The following VIPR1 variants were observed in gnomAD, a reference collection of about 807,000 sequenced individuals.
VIPR1 encodes the protein vasoactive intestinal peptide receptor 1.
In VIPR1, 59 loss-of-function variants were observed where a neutral mutation model predicts 58.8. The ratio of observed to expected loss-of-function variants is 1.00; its 90% CI spans 0.81 to 1.25. VIPR1 has a LOEUF of 1.25. VIPR1 is among the 50% of genes most tolerant of loss of function. The pLI is 0.00. For synonymous variants in VIPR1, 251 were observed against 242.1 expected, an observed-to-expected ratio of 1.04 and a Z score of -0.34; for missense variants, 626 against 602.7, an observed-to-expected ratio of 1.04 and a Z score of -0.40.
At chr3:42,509,282 A>G (rs1700258472) in intron 1 of VIPR1, 1 of 152,214 alleles carries the variant, frequency 6.6e-6, no homozygotes, top group African/African-American at 2.4e-5. Context: ...CTCCTGCCCT[A>G]GTTCTCTGGC....
chr3:42,499,763 C>G (rs1008336866), upstream of VIPR1, among the ~76,000 whole-genome samples: 3 of 152,152 alleles, frequency 2.0e-5, no homozygotes, highest in African/African-American at 7.2e-5. Flanking sequence ...GTCGGCCCCC[C>G]CTCTGCTTCT....
chr3:42,503,092 C>T (rs982541548), intron 1 of VIPR1, among the ~76,000 whole-genome samples: 1 of 152,066 alleles, frequency 6.6e-6, no homozygotes, highest in Non-Finnish European at 1.5e-5. Context: ...ACTTGCCTTC[C>T]TTGTCGTGGT....
At chr3:42,527,867 C>G in intron 5 of VIPR1, 124 bp from the exon 6 acceptor site, 1 of 1,356,540 alleles carries the variant, frequency 7.4e-7, no homozygotes. Context: ...CCCTTTGAGG[C>G]GGGGCCTGCC....
rs376441949 is a variant in VIPR1, at chr3:42,531,820, A to C, written c.869A>C (p.Asn290Thr). The C allele has an allele frequency of 1.2e-6, 2 of 1,613,024 alleles. No homozygotes were observed. The highest frequency in any genetic ancestry group is 2.7e-5 in the African/African-American group (2 of 74,530). ...CTGCTCAGGTGCTGGGACACCATCAACTCCTCACTGTGGTGGATCATAAAG... is the reference window on the plus strand; with the variant it reads ...CTGCTCAGGTGCTGGGACACCATCACCTCCTCACTGTGGTGGATCATAAAG... ...FEDYGCWDTI[N>T]SSLWWIIKGP... Residue 290 changes from asparagine to threonine, a missense_variant, in exon 9 of 13, where the codon AAC (asparagine) becomes ACC (threonine). Transcript: ENST00000325123.
chr3:42,536,406 G>C lies in VIPR1; in HGVS notation c.*125G>C. The C allele has an allele frequency of 9.4e-7, 1 of 1,066,488 alleles. No homozygotes were observed. Among genetic ancestry groups the C allele is most frequent in the Non-Finnish European group, 1.3e-6 (1 of 775,124 alleles). 66.1% of individuals were successfully genotyped at this position (1,066,488 alleles called of 1,614,324 possible). A position where few individuals can be genotyped will look rare whatever the true frequency, so the allele number is the denominator to read the frequency against. On this transcript the variant is annotated 3_prime_UTR_variant, in exon 13 of 13. Transcript: ENST00000325123. ...GGCCCTGGGCTCGGAGGCTGCCCCC[G>C]GCCCCCTGGTCTCTGGTCCGGACAC...
chr3:42,528,002 G>A lies in VIPR1; in HGVS notation c.515G>A (p.Cys172Tyr), dbSNP rs749896105. 1.1e-5 allele frequency: 17 copies of A among 1,613,820 alleles called. No homozygotes were observed. The South Asian group carries it at 1.9e-4, about 18-fold the overall frequency. Residue 172 changes from cysteine (C) to tyrosine (Y), a missense_variant, in exon 6 of 13, where the codon TGC becomes TAC. Coordinates refer to ENST00000325123, the MANE Select transcript of VIPR1 (RefSeq NM_004624.4). ...CCCACCCCACACAGGAAGCTCCACT[G>A]CACGCGGAACTACATCCACATGCAC... is the stretch of plus-strand genomic sequence containing the variant. ...AILSLFRKLH[C>Y]TRNYIHMHLF...
At chr3:42,531,340 A>G in intron 7 of VIPR1, 131 bp from the exon 8 acceptor site, 1 of 941,020 alleles carries the variant, frequency 1.1e-6, no homozygotes, top group Non-Finnish European at 1.6e-6. Flanking sequence ...GCAACCAAAG[A>G]CAGCAGACTG....
chr3:42,536,055 A>G, intron 12 of VIPR1, 35 bp from the exon 13 acceptor site: 1 of 1,553,712 alleles, frequency 6.4e-7, no homozygotes. Flanking sequence ...AAGAGGCTCC[A>G]CAGCAGTGGG....
chr3:42,519,265 C>T lies in VIPR1; in HGVS notation c.227C>T (p.Thr76Ile). 5 of 1,610,950 alleles carry T rather than the reference C, an allele frequency of 3.1e-6. No homozygotes were observed. The highest frequency in any genetic ancestry group is 4.2e-6 in the Non-Finnish European group (5 of 1,178,660). Reference protein sequence around the residue: ...MWDNLTCWPATPRGQVVVLAC... With the variant: ...MWDNLTCWPAIPRGQVVVLAC... The stretch of plus-strand genomic sequence containing the variant: ...GACAACCTCACCTGCTGGCCAGCCA[C>T]CCCTCGGGGCCAGGTAGTTGTCTTG... Residue 76 changes from threonine to isoleucine, a missense_variant, in exon 3 of 13, where the codon ACC (threonine) becomes ATC (isoleucine). Thr to Ile is a moderately conservative substitution (Grantham distance 89). Coordinates refer to ENST00000325123, the MANE Select transcript of VIPR1 (RefSeq NM_004624.4).
chr3:42,522,197 C>T (rs537307462), intron 3 of VIPR1, among the ~76,000 whole-genome samples: 6 of 147,448 alleles, frequency 4.1e-5, no homozygotes, highest in East Asian at 2.0e-4. Context: ...CTGCAACCTC[C>T]GCCTTCCGGG....
intron 1 of VIPR1, among the ~76,000 whole-genome samples, chr3:42,497,210 A>C (rs527276007): frequency 6.6e-6 from 1 of 152,112 alleles, no homozygotes; most frequent in Non-Finnish European, 1.5e-5. Context: ...TCAGGAATTC[A>C]CTGCCTCAGA....
intron 1 of VIPR1, among the ~76,000 whole-genome samples, chr3:42,491,260 C>T (rs1408828753): frequency 1.3e-5 from 2 of 152,140 alleles, no homozygotes; most frequent in Non-Finnish European, 2.9e-5. Context: ...AATCAAAGCA[C>T]TTACAAGGCA....
chr3:42,532,629 G>A, intron 10 of VIPR1: 1 of 516,408 alleles, frequency 1.9e-6, no homozygotes, highest in South Asian at 2.1e-5. Context: ...CCGATGACCT[G>A]TGTCTTGTTC....
Position 42,528,106 on chromosome 3 carries a change from C to T in VIPR1, c.619C>T (p.Gln207Ter). 2 of 1,613,820 alleles carry T rather than the reference C, an allele frequency of 1.2e-6. No individual in the cohort carries two copies. The highest frequency in any genetic ancestry group is 1.7e-6 in the Non-Finnish European group (2 of 1,179,916). ...LALFDSGESD[Q>*]CSEGSVGCKA... The stretch of plus-strand genomic sequence containing the variant: ...CCTCTTCGACAGCGGGGAGTCGGAC[C>T]AGTGCTCCGAGGGCTCGGTGAGGAT... The change falls in exon 6 of 13, where the codon CAG becomes TAG. Residue 207 changes from glutamine (Q) to a stop codon, truncating the protein, a stop_gained. Coordinates refer to ENST00000325123, the MANE Select transcript of VIPR1 (RefSeq NM_004624.4). LOFTEE classifies it high-confidence loss of function.
chr3:42,489,944 G>A (rs1308757217), intron 1 of VIPR1, among the ~76,000 whole-genome samples: 1 of 151,978 alleles, frequency 6.6e-6, no homozygotes, highest in East Asian at 1.9e-4. Flanking sequence ...TCCACCACCA[G>A]TCCAAGACCT....
chr3:42,501,704 C>A (rs1255061931), upstream of VIPR1, among the ~76,000 whole-genome samples: 1 of 152,226 alleles, frequency 6.6e-6, no homozygotes, highest in East Asian at 1.9e-4. The surrounding 1 kb of genome is among the most constrained non-coding windows in gnomAD (Gnocchi z 4.8). Flanking sequence ...GGCAGGCGGC[C>A]AGGGTCCTGG....
intron 4 of VIPR1, among the ~76,000 whole-genome samples, chr3:42,526,216 G>C (rs1452510776): frequency 1.3e-5 from 2 of 152,198 alleles, no homozygotes; most frequent in African/African-American, 4.8e-5. Flanking sequence ...GGCCCCCAGA[G>C]CAGCAAAAGC....
At chr3:42,532,726 C>G in intron 10 of VIPR1, 1 of 264,612 alleles carries the variant, frequency 3.8e-6, no homozygotes, top group Non-Finnish European at 7.4e-6. Context: ...GGGGGAGACC[C>G]CAGTCCACCA....
intron 1 of VIPR1, among the ~76,000 whole-genome samples, chr3:42,511,392 T>G (rs1460712781): frequency 6.6e-6 from 1 of 152,156 alleles, no homozygotes; most frequent in African/African-American, 2.4e-5. Flanking sequence ...ACTCAGGCCA[T>G]GTGTCAGGCA....
Sources: gnomAD v4.1 joint callset for allele counts (sites outside exome capture counted in the v4.1 genomes callset) on GRCh38, gnomAD v4.1.1 for gene constraint, Gnocchi (gnomAD v3.1) non-coding constraint, MANE v1.5 for transcripts, NCBI Gene and HGNC (gene_info 2026-07-23, HGNC 2026-07-21) for gene names.